Variants in CLIC5 observed in about 807,000 individuals in gnomAD.
CLIC5 encodes the protein CLIC family member 5, also known as chloride intracellular channel protein 5.
Under a neutral mutation model 24.7 loss-of-function variants are expected in CLIC5, and 20 were observed. The observed-to-expected ratio is 0.81, with a 90% CI of 0.57 to 1.18. The LOEUF (loss-of-function observed/expected upper bound fraction) is 1.18, where lower values mean the gene tolerates loss of function less well. Among genes scored for constraint, CLIC5 ranks in the 50% most tolerant of loss-of-function variants. The pLI is 0.00. For synonymous variants in CLIC5, 159 were observed against 135.6 expected, an observed-to-expected ratio of 1.17 and a Z score of -1.20; for missense variants, 341 against 326.1, an observed-to-expected ratio of 1.05 and a Z score of -0.35.
intron 1 of CLIC5, among the ~76,000 whole-genome samples, chr6:45,973,344 T>G (rs1765266591): frequency 6.6e-6 from 1 of 152,236 alleles, no homozygotes; most frequent in Admixed American, 6.5e-5. Context: ...CTTAGCAGTC[T>G]GCCTCTGTGC....
chr6:45,981,941 T>A (rs1765581898), intron 1 of CLIC5, among the ~76,000 whole-genome samples: 2 of 150,154 alleles, frequency 1.3e-5, no homozygotes, highest in South Asian at 4.2e-4. Flanking sequence ...GAGGTTGCAG[T>A]GAGCTGAGAT....
At chr6:45,941,489 T>A in intron 4 of CLIC5, 58 bp downstream of exon 4, 1 of 1,298,030 alleles carries the variant, frequency 7.7e-7, no homozygotes, top group Non-Finnish European at 1.1e-6. Context: ...AAATTGAAGA[T>A]GCCTTGGGCA....
intron 1 of CLIC5, among the ~76,000 whole-genome samples, chr6:46,012,927 T>C (rs1462738853): frequency 6.6e-6 from 1 of 152,248 alleles, no homozygotes; most frequent in African/African-American, 2.4e-5. Context: ...TGAGATAAGG[T>C]ATTTGAACAT....
At chr6:45,956,094 T>C (rs929817592) in intron 1 of CLIC5, among the ~76,000 whole-genome samples, 3 of 152,172 alleles carry the variant, frequency 2.0e-5, no homozygotes. Flanking sequence ...TCATTTCCCT[T>C]CCTCAAAACA....
intron 1 of CLIC5, among the ~76,000 whole-genome samples, chr6:46,078,754 T>C (rs1441040629): frequency 6.6e-6 from 1 of 152,128 alleles, no homozygotes; most frequent in Admixed American, 6.6e-5. Context: ...GAATAAGTGA[T>C]CCATGATTTA....
At chr6:46,054,611 C>A (rs976463731) in intron 1 of CLIC5, among the ~76,000 whole-genome samples, 1 of 152,178 alleles carries the variant, frequency 6.6e-6, no homozygotes, top group African/African-American at 2.4e-5. Flanking sequence ...AATCCCTAAC[C>A]ACTATTATGG....
rs531624853 is a variant in CLIC5, at chr6:45,901,848, C to T, written c.*1240G>A. The T allele has an allele frequency of 5.2e-5, 8 of 152,400 alleles. No homozygotes were observed. In the East Asian group the frequency reaches 7.7e-4, roughly 15 times the overall value. 9.4% of individuals were successfully genotyped at this position (152,400 alleles called of 1,614,324 possible). ...TCTACATTTTTCTTCAAGTTCAAAC[C>T]ACATGGTTTCCTAGTCAGAAAGTCT... On this transcript the variant is annotated 3_prime_UTR_variant, in exon 6 of 6. Transcript: ENST00000339561.
intron 1 of CLIC5, among the ~76,000 whole-genome samples, chr6:45,997,095 G>T (rs1248274956): frequency 6.6e-6 from 1 of 151,654 alleles, no homozygotes; most frequent in Non-Finnish European, 1.5e-5. Flanking sequence ...CAAAGACTTG[G>T]AACCAAGCCA....
chr6:45,886,070 C>A (rs1762302359), intron 6 of CLIC5, among the ~76,000 whole-genome samples: 1 of 152,198 alleles, frequency 6.6e-6, no homozygotes, highest in Non-Finnish European at 1.5e-5. Context: ...ATGAGCTCAA[C>A]CTTTCCTCAT....
chr6:45,975,869 T>C (rs990383933), intron 1 of CLIC5, among the ~76,000 whole-genome samples: 1 of 152,204 alleles, frequency 6.6e-6, no homozygotes, highest in Non-Finnish European at 1.5e-5. Context: ...GCTTAATTTA[T>C]GTTGTAAATT....
chr6:45,886,854 G>A (rs1762309787), intron 6 of CLIC5, among the ~76,000 whole-genome samples: 2 of 152,186 alleles, frequency 1.3e-5, no homozygotes, highest in South Asian at 4.1e-4. Context: ...TGCTGGGAAT[G>A]TGGAGGATTG....
rs761200979 is a variant in CLIC5 at position 46,033,645 on chromosome 6, C to A, written c.540+46058G>T. 2.0e-5 allele frequency among the ~76,000 whole-genome samples: 3 copies of A among 152,138 alleles called. No homozygotes were observed. The South Asian group carries it at 6.2e-4, about 32-fold the overall frequency. ...CCTCATTCTGAGAGCTTCACAGAGACCCTGGACAGAGCAGAGAGAAGAAAC... is the reference window on the plus strand; with the variant it reads ...CCTCATTCTGAGAGCTTCACAGAGAACCTGGACAGAGCAGAGAGAAGAAAC... On this transcript the variant is annotated intron_variant, in intron 1 of 5. Transcript: ENST00000185206.
Position 45,900,111 on chromosome 6 carries a change from A to C in CLIC5, c.*2977T>G, listed in dbSNP as rs1762471012. ...TTACTCAATACCTTCTCTCTGGGCC[A>C]AACTCAGAAGCAGGCATTGCTGACT... On this transcript the variant is annotated 3_prime_UTR_variant, in exon 6 of 6. Transcript: ENST00000339561. 1.3e-5 allele frequency: 2 copies of C among 152,140 alleles called. No individual in the cohort carries two copies. The highest frequency in any genetic ancestry group is 4.8e-5 in the African/African-American group (2 of 41,420). The allele number at this position is 152,140 out of a possible 1,614,324, so 9.4% of individuals were successfully genotyped here.
At chr6:46,015,963 G>A (rs994684652), upstream of CLIC5, 79 of 932,390 alleles carry the variant, frequency 8.5e-5, no homozygotes, top group African/African-American at 1.2e-3. Flanking sequence ...GGCCTGGGCC[G>A]GGCCACGGCC....
chr6:46,007,347 A>G (rs996693177), intron 1 of CLIC5, among the ~76,000 whole-genome samples: 8 of 152,232 alleles, frequency 5.3e-5, no homozygotes, highest in Admixed American at 5.2e-4. Flanking sequence ...TCACCATTCT[A>G]GATGTGGACA....
chr6:45,944,885 TCCTC>T (rs1447325869), intron 3 of CLIC5, among the ~76,000 whole-genome samples: 4 of 152,150 alleles, frequency 2.6e-5, no homozygotes, highest in African/African-American at 7.2e-5. Flanking sequence ...TGGAAAGACT[TCCTC>T]TCTCTCTCCC....
downstream of CLIC5, among the ~76,000 whole-genome samples, chr6:45,894,311 C>T (rs766370607): frequency 3.3e-5 from 5 of 152,100 alleles, no homozygotes; most frequent in African/African-American, 4.8e-5. Flanking sequence ...ACAATAGGTG[C>T]GCCTTTTGAC....
chr6:45,969,887 G>C (rs1367597577), intron 1 of CLIC5, among the ~76,000 whole-genome samples: 1 of 150,288 alleles, frequency 6.7e-6, no homozygotes, highest in Non-Finnish European at 1.5e-5. Context: ...TGAGCTCCCA[G>C]GGGAAGGATA....
At chr6:46,029,717 G>GC (rs1176494212) in intron 1 of CLIC5, among the ~76,000 whole-genome samples, 1 of 152,112 alleles carries the variant, frequency 6.6e-6, no homozygotes, top group African/African-American at 2.4e-5. Flanking sequence ...TGACAGTGCA[G>GC]CCCACACCAG....
Sources: allele counts gnomAD v4.1 joint callset (sites outside exome capture counted in the v4.1 genomes callset), GRCh38; gene constraint gnomAD v4.1.1; transcripts MANE v1.5; gene names NCBI Gene and HGNC (gene_info 2026-07-23, HGNC 2026-07-21).